NIPA2: variants seen among roughly 807,000 people sequenced by gnomAD.
NIPA2 encodes magnesium transporter NIPA2.
NIPA2 carries 11 observed loss-of-function variants against 29.7 expected under a neutral mutation model. The observed-to-expected ratio is 0.37, with a 90% confidence interval of 0.23 to 0.61. NIPA2 has a LOEUF of 0.61. NIPA2 is among the 20% of genes least tolerant of loss of function. NIPA2 has a pLI of 0.66. For missense variants in NIPA2, 426 were observed against 437.9 expected, an observed-to-expected ratio of 0.97 and a Z score of 0.24; for synonymous variants, 183 against 161.9, an observed-to-expected ratio of 1.13 and a Z score of -0.99.
At chr15:22,857,575 G>T (rs573174155) in intron 5 of NIPA2, among the ~76,000 whole-genome samples, 1 of 151,756 alleles carries the variant, frequency 6.6e-6, no homozygotes, top group Non-Finnish European at 1.5e-5. Flanking sequence ...GGTGGCTCAC[G>T]CCTATAATCC....
chr15:22,864,645 T>TCAAG (rs1011004750), intron 7 of NIPA2, among the ~76,000 whole-genome samples: 2 of 152,170 alleles, frequency 1.3e-5, no homozygotes, highest in African/African-American at 2.4e-5. Flanking sequence ...GGCAGGAGTC[T>TCAAG]CCTTGTTTCT....
Position 22,840,975 on chromosome 15 carries a change from T to C in NIPA2, c.-216+1185T>C, listed in dbSNP as rs1012826082. Among the ~76,000 whole-genome samples the C allele has an allele frequency of 7.0e-5, 10 of 143,206 alleles. No homozygotes were observed. The East Asian group carries it at 2.0e-3, about 29-fold the overall frequency. The allele number at this position is 143,206 out of a possible 152,430, so 93.9% of individuals were successfully genotyped here. ...TATTTGATTGCTATACATTGTGATA[T>C]TGAACAGAAAGATAAGACTTCTGCA... On this transcript the variant is annotated intron_variant, in intron 2 of 7. Transcript: ENST00000337451.
In NIPA2 at chr15:22,866,887, G is replaced by A; in HGVS notation, c.*40G>A. 6.6e-7 allele frequency: 1 copy of A among 1,505,626 alleles called. No individual in the cohort carries two copies. Among genetic ancestry groups the A allele is most frequent in the Non-Finnish European group, 8.9e-7 (1 of 1,119,276 alleles). 93.3% of individuals were successfully genotyped at this position (1,505,626 alleles called of 1,614,324 possible). On this transcript the variant is annotated 3_prime_UTR_variant, in exon 8 of 8. Coordinates refer to ENST00000337451, the MANE Select transcript of NIPA2 (RefSeq NM_030922.7). Reference sequence around the variant, plus strand: ...AAGGTTAATCTGTGATTGTTATGAAGTGAATTTGAATATCATCAGAATGTG... The same window carrying A: ...AAGGTTAATCTGTGATTGTTATGAAATGAATTTGAATATCATCAGAATGTG...
chr15:22,844,143 T>A (rs1897919507), intron 2 of NIPA2, among the ~76,000 whole-genome samples: 2 of 152,262 alleles, frequency 1.3e-5, no homozygotes, highest in South Asian at 4.1e-4. Context: ...GTTTTCCACA[T>A]TTTTTAAGAA....
At chr15:22,841,490 C>A (rs2140968098) in intron 2 of NIPA2, among the ~76,000 whole-genome samples, 1 of 152,224 alleles carries the variant, frequency 6.6e-6, no homozygotes, top group Non-Finnish European at 1.5e-5. Flanking sequence ...CCCATAGGGC[C>A]CCACGTGATC....
At chr15:22,855,144 G>C (rs1313799708) in intron 5 of NIPA2, among the ~76,000 whole-genome samples, 5 of 152,134 alleles carry the variant, frequency 3.3e-5, no homozygotes, top group African/African-American at 9.7e-5. Flanking sequence ...CGGGCGTGGT[G>C]GCTCATGCCT....
intron 2 of NIPA2, among the ~76,000 whole-genome samples, chr15:22,840,611 A>C (rs1030568190): frequency 6.6e-6 from 1 of 152,016 alleles, no homozygotes; most frequent in African/African-American, 2.4e-5. Context: ...AAGAGCTCTA[A>C]AGTGTTAATG....
intron 3 of NIPA2, among the ~76,000 whole-genome samples, chr15:22,848,627 A>G (rs1470202094): frequency 6.6e-6 from 1 of 151,830 alleles, no homozygotes; most frequent in African/African-American, 2.4e-5. Flanking sequence ...GGAGTTCCAG[A>G]CCAGCCTGGC....
intron 2 of NIPA2, among the ~76,000 whole-genome samples, chr15:22,842,099 C>T (rs911109710): frequency 1.3e-5 from 2 of 152,236 alleles, no homozygotes; most frequent in East Asian, 1.9e-4. Context: ...GTCTTTATTT[C>T]GTTTATTATT....
At chr15:22,842,868 T>C (rs1897475707) in intron 2 of NIPA2, among the ~76,000 whole-genome samples, 1 of 143,546 alleles carries the variant, frequency 7.0e-6, no homozygotes, top group South Asian at 2.3e-4. Context: ...CCTAGTGTAG[T>C]GGTGGGCGCC....
intron 6 of NIPA2, among the ~76,000 whole-genome samples, chr15:22,859,290 C>CTTT (rs60644942): frequency 1.2e-4 from 12 of 97,338 alleles, no homozygotes; most frequent in African/African-American, 3.2e-4. Flanking sequence ...ATTTCTTTTT[C>CTTT]TTTTTTTTTT....
rs1388616416 is a variant in NIPA2 at position 22,866,296 on chromosome 15, A to G, written c.532A>G (p.Ile178Val). ...VVGPRHGQTN[I>V]LVYITICSVI... Reference sequence around the variant, plus strand: ...GGGTCCTCGCCATGGACAGACAAACATTCTTGTGTACATAACAATCTGCTC... The same window carrying G: ...GGGTCCTCGCCATGGACAGACAAACGTTCTTGTGTACATAACAATCTGCTC... Residue 178 changes from isoleucine to valine, a missense_variant, in exon 8 of 8, where the codon ATT (isoleucine) becomes GTT (valine). This residue lies in a region of NIPA2 where 357 missense variants were observed against 339.8 expected (regional missense o/e 1.05). Transcript: ENST00000337451. The G allele has an allele frequency of 6.2e-6, 10 of 1,613,968 alleles. No homozygotes were observed. In the East Asian group the frequency reaches 1.3e-4, roughly 22 times the overall value.
chr15:22,861,958 G>A (rs1189733248), intron 7 of NIPA2, among the ~76,000 whole-genome samples: 1 of 149,940 alleles, frequency 6.7e-6, no homozygotes, highest in Non-Finnish European at 1.5e-5. Flanking sequence ...GGTTGGTGTC[G>A]AACTCCTGAT....
intron 5 of NIPA2, among the ~76,000 whole-genome samples, chr15:22,854,709 T>G (rs2141298743): frequency 6.6e-6 from 1 of 152,142 alleles, no homozygotes; most frequent in Admixed American, 6.5e-5. Flanking sequence ...ACTGCACCAC[T>G]GCACTCCAGC....
chr15:22,843,524 CTG>C (rs1286592883), intron 2 of NIPA2, among the ~76,000 whole-genome samples: 6 of 151,090 alleles, frequency 4.0e-5, no homozygotes, highest in Non-Finnish European at 1.5e-5. Context: ...AAAAAAATCT[CTG>C]GACCTGGTTC....
intron 2 of NIPA2, among the ~76,000 whole-genome samples, chr15:22,844,610 C>T (rs920273909): frequency 6.6e-6 from 1 of 151,900 alleles, no homozygotes; most frequent in African/African-American, 2.4e-5. Flanking sequence ...AAAAAATTAG[C>T]TAGGTGTCGT....
intron 3 of NIPA2, among the ~76,000 whole-genome samples, chr15:22,845,935 T>C (rs1020184015): frequency 1.3e-5 from 2 of 152,196 alleles, no homozygotes; most frequent in East Asian, 3.8e-4. Context: ...AAAATAAATA[T>C]GGAGAAAATC....
At chr15:22,857,135 A>G (rs1278252766) in intron 5 of NIPA2, among the ~76,000 whole-genome samples, 3 of 152,206 alleles carry the variant, frequency 2.0e-5, no homozygotes, top group Non-Finnish European at 4.4e-5. Flanking sequence ...TCCCTCACTA[A>G]AAGTTTTATG....
intron 3 of NIPA2, among the ~76,000 whole-genome samples, chr15:22,847,280 TAAG>T (rs1282311320): frequency 6.6e-6 from 1 of 152,088 alleles, no homozygotes; most frequent in Non-Finnish European, 1.5e-5. Flanking sequence ...TCTTTATTGG[TAAG>T]AAGGTTCAAT....
Sources: allele counts gnomAD v4.1 joint callset (sites outside exome capture counted in the v4.1 genomes callset), GRCh38; gene constraint gnomAD v4.1.1; regional missense constraint gnomAD v4.1.1; transcripts MANE v1.5; gene names NCBI Gene and HGNC (gene_info 2026-07-23, HGNC 2026-07-21).